The following MAP4 variants were observed in gnomAD, a reference collection of about 807,000 sequenced individuals.
MAP4 encodes microtubule associated protein 4, also known as microtubule-associated protein 4.
A neutral mutation model predicts 170.2 loss-of-function variants in MAP4; 76 were observed. The ratio of observed to expected loss-of-function variants is 0.45; its 90% CI spans 0.37 to 0.54. The LOEUF is 0.54. MAP4 is among the 20% of genes least tolerant of loss of function. The probability of loss-of-function intolerance (pLI) is 0.00; values close to 1 mark genes in which losing one functional copy is unlikely to be tolerated. For synonymous variants in MAP4, 909 were observed against 994.5 expected, an observed-to-expected ratio of 0.91 and a Z score of 1.62; for missense variants, 2,506 against 2,748.0, an observed-to-expected ratio of 0.91 and a Z score of 1.97.
At chr3:47,941,749 T>G (rs2100056602) in intron 3 of MAP4, among the ~76,000 whole-genome samples, 1 of 146,894 alleles carries the variant, frequency 6.8e-6, no homozygotes, top group Non-Finnish European at 1.5e-5. Context: ...ATCGTGCCAT[T>G]GCACTCCAGC....
intron 10 of MAP4, among the ~76,000 whole-genome samples, chr3:47,894,085 C>T (rs892676843): frequency 6.6e-6 from 1 of 151,404 alleles, no homozygotes; most frequent in Admixed American, 6.6e-5. Context: ...AAAAAAAAAA[C>T]TGAACATGAA....
intron 2 of MAP4, among the ~76,000 whole-genome samples, chr3:47,989,484 C>T (rs942021228): frequency 3.3e-5 from 5 of 152,092 alleles, no homozygotes; most frequent in Non-Finnish European, 4.4e-5. Flanking sequence ...CTGTTATTAA[C>T]TATATGTTGA....
chr3:48,049,712 C>T (rs2100126539), intron 1 of MAP4, among the ~76,000 whole-genome samples: 1 of 152,050 alleles, frequency 6.6e-6, no homozygotes, highest in African/African-American at 2.4e-5. Context: ...GCAGGCGGAT[C>T]GCGACGTCAG....
chr3:48,054,164 G>A (rs2100129351), intron 1 of MAP4, among the ~76,000 whole-genome samples: 1 of 151,916 alleles, frequency 6.6e-6, no homozygotes, highest in Non-Finnish European at 1.5e-5. Flanking sequence ...TAGGTGTGGT[G>A]GCACGCACCT....
intron 3 of MAP4, among the ~76,000 whole-genome samples, chr3:47,961,825 C>T (rs1254556432): frequency 6.6e-6 from 1 of 152,182 alleles, no homozygotes. Flanking sequence ...GCAAGTTCCA[C>T]CAGTGCCTCA....
intron 1 of MAP4, among the ~76,000 whole-genome samples, chr3:48,010,737 C>T (rs1386627184): frequency 3.3e-5 from 5 of 152,050 alleles, no homozygotes; most frequent in Non-Finnish European, 5.9e-5. Context: ...GGAAGGCAGA[C>T]CCACCCTTAA....
chr3:47,997,777 A>G (rs1038152443), intron 2 of MAP4, among the ~76,000 whole-genome samples: 2 of 152,118 alleles, frequency 1.3e-5, no homozygotes, highest in Non-Finnish European at 2.9e-5. Flanking sequence ...AAAAGGGGAC[A>G]TAATAGATCC....
chr3:48,016,986 C>G (rs139388934), upstream of MAP4, among the ~76,000 whole-genome samples: 1,255 of 152,134 alleles, frequency 8.2e-3, 7 homozygotes, highest in Non-Finnish European at 0.014. Context: ...ATCATGTTGG[C>G]CAGACTGGTC....
In MAP4 at chr3:48,023,984, T is replaced by C. The variant is rs573824037; in HGVS notation, c.-19-25105A>G. Among the ~76,000 whole-genome samples, 10 of 152,226 alleles carry C rather than the reference T, an allele frequency of 6.6e-5. No homozygotes were observed. The East Asian group carries it at 1.7e-3, about 26-fold the overall frequency. On this transcript the variant is annotated intron_variant, in intron 1 of 18. Coordinates refer to the MAP4 transcript ENST00000360240. The stretch of plus-strand genomic sequence containing the variant: ...GTAACCAAAGATACAAAAAGCAATA[T>C]GCAACAGGAGAAAGTATTTGGGTGT...
intron 2 of MAP4, among the ~76,000 whole-genome samples, chr3:47,978,743 T>A (rs541061588): frequency 6.6e-6 from 1 of 150,664 alleles, no homozygotes; most frequent in Non-Finnish European, 1.5e-5. Context: ...TTTTTTTTTT[T>A]CCCTCTTTTT....
chr3:48,038,176 G>GAAAAAAA (rs397786308), intron 1 of MAP4, among the ~76,000 whole-genome samples: 1 of 118,862 alleles, frequency 8.4e-6, no homozygotes. Flanking sequence ...TCCAAAAAAA[G>GAAAAAAA]AAAAAAAAAA....
At chr3:48,052,956 T>C (rs535329431) in intron 1 of MAP4, among the ~76,000 whole-genome samples, 2 of 152,360 alleles carry the variant, frequency 1.3e-5, no homozygotes, top group African/African-American at 4.8e-5. Context: ...TTCAACTCCA[T>C]GTTAAGTTGA....
chr3:47,908,536 A>C (rs1003871607), intron 9 of MAP4, among the ~76,000 whole-genome samples: 1 of 152,222 alleles, frequency 6.6e-6, no homozygotes, highest in African/African-American at 2.4e-5. Flanking sequence ...CCTCATAAGG[A>C]GGTGGACTGA....
At chr3:47,875,955 A>G in intron 11 of MAP4, 55 bp from the exon 12 acceptor site, 4 of 1,236,178 alleles carry the variant, frequency 3.2e-6, no homozygotes, top group Non-Finnish European at 4.6e-6. Context: ...GGCAACATCA[A>G]ACAGACAAGA....
chr3:47,890,784 C>T (rs319684), intron 10 of MAP4, among the ~76,000 whole-genome samples: 58,456 of 151,982 alleles, frequency 0.38, 12,616 homozygotes, highest in African/African-American at 0.59. Context: ...CAAACTTGCA[C>T]ACTCAATTCA....
chr3:48,013,328 A>C (rs1248249786), intron 1 of MAP4: 1 of 152,062 alleles, frequency 6.6e-6, no homozygotes, highest in African/African-American at 2.4e-5. Flanking sequence ...TCACTGACCA[A>C]TTGACCATTT....
chr3:47,939,629 C>A (rs991048521), intron 3 of MAP4, among the ~76,000 whole-genome samples: 2 of 151,222 alleles, frequency 1.3e-5, no homozygotes, highest in African/African-American at 4.9e-5. Context: ...TAAACAATAG[C>A]CTATCATTTC....
chr3:47,987,298 T>G (rs891639862), intron 2 of MAP4: 3 of 952,650 alleles, frequency 3.1e-6, no homozygotes, highest in Non-Finnish European at 4.5e-6. Flanking sequence ...AGCATGTTAA[T>G]AAGTGTAAGA....
Position 47,877,520 on chromosome 3 carries a change from A to T in MAP4, c.5438T>A (p.Ile1813Lys), listed in dbSNP as rs143298732. 4.8e-5 allele frequency: 77 copies of T among 1,608,278 alleles called. No homozygotes were observed. The East Asian group carries it at 6.2e-4, about 13-fold the overall frequency. ...AGGCCTTCCTTCTTCTGGCCTGGCT[A>T]TTCCTAAGGGGAGAGGGTGAGTGGG... ...YQQLGMSVYG[I>K]ARPEEGRPVV... The change falls in exon 11 of 21, where the codon ATA (isoleucine) becomes AAA (lysine). Residue 1813 changes from isoleucine (I) to lysine (K), a missense_variant. Physicochemically the swap from Ile to Lys is moderately radical, Grantham distance 102. Around this residue, in one of 3 missense-constraint regions of MAP4, gnomAD observed 2,008 missense variants for 2,206.0 expected, o/e 0.91. Transcript: ENST00000683076.
Sources: allele counts gnomAD v4.1 joint callset (sites outside exome capture counted in the v4.1 genomes callset), GRCh38; gene constraint gnomAD v4.1.1; regional missense constraint gnomAD v4.1.1; transcripts MANE v1.5; gene names NCBI Gene and HGNC (gene_info 2026-07-23, HGNC 2026-07-21).